Variants in MSH4 observed in about 807,000 individuals in gnomAD.
MSH4 encodes the protein mutS protein homolog 4.
A neutral mutation model predicts 113.7 loss-of-function variants in MSH4; 106 were observed. The observed-to-expected ratio is 0.93, with a 90% CI of 0.80 to 1.10. The LOEUF (loss-of-function observed/expected upper bound fraction) is 1.10. MSH4 is among the 50% of genes least tolerant of loss of function. MSH4 has a pLI of 0.00. For synonymous variants in MSH4, 368 were observed against 380.2 expected (o/e 0.97, Z 0.37); for missense variants, 1,061 against 1,093.7 (o/e 0.97, Z 0.42).
intron 19 of MSH4, among the ~76,000 whole-genome samples, chr1:75,904,128 GGTTTTT>G (rs1293138429): frequency 1.3e-5 from 2 of 152,036 alleles, no homozygotes; most frequent in Admixed American, 1.3e-4. Flanking sequence ...AAGATCACAT[GGTTTTT>G]GTCCTTGATT....
chr1:75,829,138 T>G (rs1255848321), intron 7 of MSH4, among the ~76,000 whole-genome samples: 1 of 152,158 alleles, frequency 6.6e-6, no homozygotes, highest in East Asian at 1.9e-4. Flanking sequence ...GGAGATTATA[T>G]CCCGCACCTG....
chr1:75,894,137 C>T (rs1415014945), intron 17 of MSH4, among the ~76,000 whole-genome samples: 1 of 152,098 alleles, frequency 6.6e-6, no homozygotes, highest in Admixed American at 6.6e-5. Context: ...ACAGACATTA[C>T]GGCCCACCAT....
intron 19 of MSH4, among the ~76,000 whole-genome samples, chr1:75,900,764 A>G (rs1252767403): frequency 6.6e-6 from 1 of 151,970 alleles, no homozygotes; most frequent in Admixed American, 6.6e-5. Context: ...TGTCTCTGTG[A>G]CTTCACTTGC....
chr1:75,844,802 T>C (rs560153921), intron 7 of MSH4, among the ~76,000 whole-genome samples: 7 of 152,322 alleles, frequency 4.6e-5, no homozygotes, highest in Admixed American at 3.9e-4. Flanking sequence ...CCATAGTCTA[T>C]TTGTGTTGCA....
chr1:75,890,507 A>T (rs1652228394), intron 16 of MSH4, among the ~76,000 whole-genome samples, 189 bp from the exon 17 acceptor site: 1 of 152,048 alleles, frequency 6.6e-6, no homozygotes, highest in Admixed American at 6.6e-5. Flanking sequence ...TGTACACATC[A>T]GCTATTCTAC....
intron 15 of MSH4, among the ~76,000 whole-genome samples, chr1:75,884,751 T>C (rs1333803169): frequency 2.0e-5 from 3 of 151,880 alleles, no homozygotes; most frequent in Non-Finnish European, 2.9e-5. Flanking sequence ...AATAATAATA[T>C]TGGTGATACA....
In MSH4 at chr1:75,810,684, C is replaced by T; in HGVS notation, c.589-13C>T. ...AGCTTTATTTAAGAAATTGTTTATT[C>T]AAATGATTTCAGGTGATCACTAAAC... On this transcript the variant is annotated splice_polypyrimidine_tract_variant and intron_variant, in intron 3 of 19. Transcript: ENST00000263187. 1 of 1,205,792 alleles carries T rather than the reference C, an allele frequency of 8.3e-7. No homozygotes were observed. Among genetic ancestry groups the T allele is most frequent in the Non-Finnish European group, 1.2e-6 (1 of 862,262 alleles). 74.7% of individuals were successfully genotyped at this position (1,205,792 alleles called of 1,614,324 possible).
At chr1:75,887,971 G>A (rs535470490) in intron 15 of MSH4, among the ~76,000 whole-genome samples, 16 of 150,846 alleles carry the variant, frequency 1.1e-4, no homozygotes, top group Non-Finnish European at 2.2e-4. Context: ...AGTAGAATGG[G>A]GGAGATACAT....
chr1:75,807,647 A>T (rs947475448), intron 3 of MSH4, among the ~76,000 whole-genome samples: 5 of 152,200 alleles, frequency 3.3e-5, no homozygotes, highest in Admixed American at 2.6e-4. Context: ...TTATTATTTT[A>T]TTTGGAAATT....
intron 8 of MSH4, among the ~76,000 whole-genome samples, chr1:75,855,842 AC>A (rs1651304348): frequency 6.6e-6 from 1 of 152,212 alleles, no homozygotes; most frequent in Non-Finnish European, 1.5e-5. Context: ...TGGAGGGAAC[AC>A]AATTCAACCT....
At chr1:75,833,478 G>A (rs1650754273) in intron 7 of MSH4, among the ~76,000 whole-genome samples, 1 of 152,006 alleles carries the variant, frequency 6.6e-6, no homozygotes, top group Non-Finnish European at 1.5e-5. Context: ...GCATTAACTG[G>A]ACAATCCTAA....
chr1:75,881,707 G>GC (rs1239669114), intron 14 of MSH4, among the ~76,000 whole-genome samples: 1 of 151,994 alleles, frequency 6.6e-6, no homozygotes, highest in Non-Finnish European at 1.5e-5. Flanking sequence ...ATTAGAAGCA[G>GC]CGTGATAAAC....
At chr1:75,824,597 G>T (rs1650503894) in intron 7 of MSH4, among the ~76,000 whole-genome samples, 2 of 152,198 alleles carry the variant, frequency 1.3e-5, no homozygotes, top group East Asian at 3.9e-4. Context: ...GGGTTTGTAT[G>T]GTTTTAGGTC....
At chr1:75,820,410 G>C (rs908702249) in intron 6 of MSH4, among the ~76,000 whole-genome samples, 1 of 152,208 alleles carries the variant, frequency 6.6e-6, no homozygotes, top group Non-Finnish European at 1.5e-5. Flanking sequence ...GCTCCTCCTT[G>C]TATCTCTGGT....
chr1:75,888,995 C>T lies in MSH4; in HGVS notation c.2108-256C>T, dbSNP rs564082395. On this transcript the variant is annotated intron_variant, in intron 15 of 19. Transcript: ENST00000263187. ...CTGCAGGCTCCGCCTCCCGGGTTCA[C>T]GCCATTCTCCTGCCTCAGCCTCCCG... Among the ~76,000 whole-genome samples the T allele has an allele frequency of 1.3e-5, 2 of 151,184 alleles. 1 individual carries two copies. The highest frequency in any genetic ancestry group is 4.2e-4 in the South Asian group (2 of 4,796).
intron 8 of MSH4, among the ~76,000 whole-genome samples, chr1:75,855,818 C>T (rs1651303677): frequency 6.6e-6 from 1 of 152,148 alleles, no homozygotes; most frequent in Non-Finnish European, 1.5e-5. Context: ...GTTAGAACTT[C>T]AACAGAATTT....
chr1:75,835,531 T>C (rs916038397), intron 7 of MSH4, among the ~76,000 whole-genome samples: 3 of 152,186 alleles, frequency 2.0e-5, no homozygotes, highest in Admixed American at 1.3e-4. Flanking sequence ...CATTTATACT[T>C]ATCTACTTTT....
intron 7 of MSH4, among the ~76,000 whole-genome samples, chr1:75,832,443 G>C (rs1375332225): frequency 1.3e-5 from 2 of 152,024 alleles, no homozygotes; most frequent in African/African-American, 4.8e-5. Flanking sequence ...TATGAGGCTG[G>C]CAACATCCTG....
chr1:75,836,872 T>G (rs550632240), intron 7 of MSH4, among the ~76,000 whole-genome samples: 17 of 152,346 alleles, frequency 1.1e-4, no homozygotes, highest in African/African-American at 4.1e-4. Context: ...AATTTCCTTA[T>G]TGTATGACTT....
Sources: allele counts gnomAD v4.1 joint callset (sites outside exome capture counted in the v4.1 genomes callset), GRCh38; gene constraint gnomAD v4.1.1; transcripts MANE v1.5; gene names NCBI Gene and HGNC (gene_info 2026-07-23, HGNC 2026-07-21).